The following SCFD2 variants were observed in gnomAD, a reference collection of about 807,000 sequenced individuals.
The protein encoded by SCFD2 is sec1 family domain containing 2, also known as sec1 family domain-containing protein 2.
In SCFD2, 54 loss-of-function variants were observed where a neutral mutation model predicts 58.9. The observed-to-expected ratio is 0.92, with a 90% CI of 0.74 to 1.15. The LOEUF (loss-of-function observed/expected upper bound fraction) is 1.15, where lower values mean the gene tolerates loss of function less well. Among genes scored for constraint, SCFD2 ranks in the 50% most tolerant of loss-of-function variants. The pLI is 0.00. For synonymous variants in SCFD2, 321 were observed against 335.9 expected (o/e 0.96, Z 0.49); for missense variants, 805 against 836.6 (o/e 0.96, Z 0.47).
intron 3 of SCFD2, among the ~76,000 whole-genome samples, chr4:53,281,007 G>A (rs79555561): frequency 0.016 from 2,440 of 152,278 alleles, 71 homozygotes; most frequent in African/African-American, 0.056. Flanking sequence ...AGTACCCTAT[G>A]AAGCACCCAT....
In SCFD2 at chr4:53,366,006, G is replaced by A. The variant is rs1734697152; in HGVS notation, c.-65C>T. On this transcript the variant is annotated 5_prime_UTR_variant, in exon 1 of 9. Transcript: ENST00000401642. ...ACTTCTTTCAGAACTCACCGCTTCC[G>A]GAAATTGGGCTCCGGGAGACTTTGA... 6.7e-6 allele frequency: 10 copies of A among 1,497,206 alleles called. No individual in the cohort carries two copies. The East Asian group carries it at 2.1e-4, about 31-fold the overall frequency. The allele number at this position is 1,497,206 out of a possible 1,614,324, so 92.7% of individuals were successfully genotyped here. A position where few individuals can be genotyped will look rare whatever the true frequency, so the allele number is the denominator to read the frequency against.
chr4:53,103,978 TATAA>T (rs998968215), intron 5 of SCFD2, among the ~76,000 whole-genome samples: 9 of 150,916 alleles, frequency 6.0e-5, no homozygotes, highest in East Asian at 1.9e-4. Flanking sequence ...TCCATACTGA[TATAA>T]ATAAATAATT....
At position 53,182,564 on chromosome 4, in the gene SCFD2, A is replaced by C. The variant is rs1490235219; in HGVS notation, c.1312-36982T>G. On this transcript the variant is annotated intron_variant, in intron 4 of 8. Transcript: ENST00000401642. ...CCATAAAAACCCTAGAAGAAAACCT[A>C]GGCAATACCATTCAGGACATAGGCA... Among the ~76,000 whole-genome samples, 5 of 152,348 alleles carry C rather than the reference A, an allele frequency of 3.3e-5. No individual in the cohort carries two copies. The East Asian group carries it at 7.7e-4, about 23-fold the overall frequency.
chr4:53,325,238 AAG>A (rs1553900375), intron 2 of SCFD2, among the ~76,000 whole-genome samples: 2 of 151,944 alleles, frequency 1.3e-5, no homozygotes, highest in African/African-American at 2.4e-5. Flanking sequence ...AAAAAAAAAA[AAG>A]AGAAGACTCA....
intron 3 of SCFD2, among the ~76,000 whole-genome samples, chr4:53,306,716 T>C (rs1422963851): frequency 6.6e-6 from 1 of 152,102 alleles, no homozygotes; most frequent in Non-Finnish European, 1.5e-5. Context: ...TATCACATCA[T>C]TGTAAGTGCT....
chr4:52,944,514 C>T (rs983751268), intron 5 of SCFD2, among the ~76,000 whole-genome samples: 7 of 152,150 alleles, frequency 4.6e-5, no homozygotes, highest in Non-Finnish European at 7.4e-5. Context: ...AGGGTCCATG[C>T]TAGAGAACTA....
intron 5 of SCFD2, among the ~76,000 whole-genome samples, chr4:53,105,756 G>C (rs867998216): frequency 6.6e-6 from 1 of 152,176 alleles, no homozygotes; most frequent in Non-Finnish European, 1.5e-5. Flanking sequence ...GGCTGTGGGC[G>C]CAGCTTCAGC....
chr4:53,174,471 C>T (rs1727268947), intron 4 of SCFD2, among the ~76,000 whole-genome samples: 1 of 152,094 alleles, frequency 6.6e-6, no homozygotes, highest in South Asian at 2.1e-4. Context: ...AAGAAACTGA[C>T]ATTAAAGTGG....
chr4:52,929,025 G>GT (rs1366689452), intron 5 of SCFD2, among the ~76,000 whole-genome samples: 1 of 152,192 alleles, frequency 6.6e-6, no homozygotes, highest in Non-Finnish European at 1.5e-5. Flanking sequence ...GCCTACATGG[G>GT]TAAGTGGATA....
At chr4:53,278,804 C>T (rs577079592) in intron 3 of SCFD2, among the ~76,000 whole-genome samples, 160 of 150,280 alleles carry the variant, frequency 1.1e-3, no homozygotes, top group Middle Eastern at 6.9e-3. Flanking sequence ...GTATAAATCA[C>T]GACAGCAGAT....
intron 4 of SCFD2, among the ~76,000 whole-genome samples, chr4:53,248,193 C>T (rs1730180158): frequency 6.6e-6 from 1 of 152,316 alleles, no homozygotes; most frequent in Middle Eastern, 3.4e-3. Flanking sequence ...GCCACTCCCA[C>T]CCAAATACTG....
chr4:53,189,588 AC>A (rs1207306956), intron 4 of SCFD2, among the ~76,000 whole-genome samples: 1 of 152,156 alleles, frequency 6.6e-6, no homozygotes, highest in Admixed American at 6.5e-5. Context: ...TTATAAGGGT[AC>A]TAATCCCATT....
intron 5 of SCFD2, among the ~76,000 whole-genome samples, chr4:53,069,092 G>C (rs1723743213): frequency 6.6e-6 from 1 of 152,052 alleles, no homozygotes; most frequent in South Asian, 2.1e-4. Flanking sequence ...TGCACAGAGA[G>C]GCATAGAAAG....
intron 4 of SCFD2, among the ~76,000 whole-genome samples, chr4:53,250,413 A>G (rs1276152722): frequency 2.0e-5 from 3 of 152,202 alleles, no homozygotes; most frequent in South Asian, 2.1e-4. Context: ...GTTAACAAGG[A>G]TACCCAGGAA....
intron 5 of SCFD2, among the ~76,000 whole-genome samples, chr4:53,078,874 G>C (rs1449656395): frequency 6.6e-6 from 1 of 152,112 alleles, no homozygotes; most frequent in African/African-American, 2.4e-5. Flanking sequence ...AGGGTTCCCA[G>C]AGGAACAAAA....
At chr4:52,983,442 A>G (rs960781397) in intron 5 of SCFD2, among the ~76,000 whole-genome samples, 3 of 152,242 alleles carry the variant, frequency 2.0e-5, no homozygotes, top group Non-Finnish European at 2.9e-5. Context: ...ACAAATGTTC[A>G]AAGGAGATGT....
intron 2 of SCFD2, among the ~76,000 whole-genome samples, chr4:53,316,845 C>G (rs562417392): frequency 5.9e-5 from 9 of 152,228 alleles, no homozygotes; most frequent in South Asian, 2.1e-4. Flanking sequence ...CGCAGTGGCT[C>G]ACACCTGTAA....
chr4:53,317,243 C>T (rs1732894183), intron 2 of SCFD2, among the ~76,000 whole-genome samples: 1 of 152,138 alleles, frequency 6.6e-6, no homozygotes, highest in South Asian at 2.1e-4. Context: ...ATCAAGGGAA[C>T]ATTTACAAGT....
intron 4 of SCFD2, among the ~76,000 whole-genome samples, chr4:53,212,353 T>C (rs1211501968): frequency 6.6e-6 from 1 of 151,896 alleles, no homozygotes; most frequent in East Asian, 1.9e-4. Flanking sequence ...GCACCCAAAG[T>C]GACATAACCA....
Sources: gnomAD v4.1 joint callset for allele counts (sites outside exome capture counted in the v4.1 genomes callset) on GRCh38, gnomAD v4.1.1 for gene constraint, MANE v1.5 for transcripts, NCBI Gene and HGNC (gene_info 2026-07-23, HGNC 2026-07-21) for gene names.